Variants in ZNF469 observed in about 807,000 individuals in gnomAD.
ZNF469 encodes zinc finger protein 469.
In ZNF469, 1 loss-of-function variant was observed where a neutral mutation model predicts 1.0. The observed-to-expected ratio is 1.00, with a 90% CI of 0.35 to 4.73. ZNF469 has a LOEUF of 4.73. ZNF469 is among the 30% of genes most tolerant of loss of function. The pLI, the probability that ZNF469 is intolerant of heterozygous loss-of-function variation, is 0.16. For synonymous variants in ZNF469, 2,703 were observed against 2,363.4 expected (o/e 1.14, Z -4.17); for missense variants, 6,100 against 5,356.3 (o/e 1.14, Z -4.33).
chr16:88,438,618 GAATGGGATGAAGCCCGCCACCCCC>G lies in ZNF469; in HGVS notation c.11151_11174del (p.Asn3717_Pro3724del). ...CCGGGGAGCTGGCCCGTGGCACAGA[GAATGGGATGAAGCCCGCCACCCCC>G]AAAGCCAAACCCGGCCCCAGCTCCC... On this transcript the variant is annotated inframe_deletion, in exon 3 of 3. Transcript: ENST00000565624. 6.5e-7 allele frequency: 1 copy of G among 1,550,106 alleles called. No homozygotes were observed. The highest frequency in any genetic ancestry group is 1.2e-5 in the South Asian group (1 of 84,056).
At chr16:88,104,672 G>A in the ZNF469 span, among the ~76,000 whole-genome samples, 1 of 152,352 alleles carries the variant, frequency 6.6e-6, no homozygotes. Flanking sequence ...TCTTGTCTGA[G>A]CCTACAAAGA....
At chr16:88,146,054 C>T in the ZNF469 span, among the ~76,000 whole-genome samples, 1 of 152,256 alleles carries the variant, frequency 6.6e-6, no homozygotes, top group Non-Finnish European at 1.5e-5. Context: ...CACCGCCTCC[C>T]TCCACACGGT....
At chr16:88,308,200 A>G in the ZNF469 span, among the ~76,000 whole-genome samples, 1 of 152,272 alleles carries the variant, frequency 6.6e-6, no homozygotes, top group Non-Finnish European at 1.5e-5. Flanking sequence ...CAATCTGCGT[A>G]TCTGTGTTTA....
the ZNF469 span, among the ~76,000 whole-genome samples, chr16:88,126,752 C>A: frequency 2.0e-5 from 3 of 152,048 alleles, no homozygotes; most frequent in Non-Finnish European, 2.9e-5. Flanking sequence ...CCCCCGGGTT[C>A]AAGCAATTCT....
the ZNF469 span, among the ~76,000 whole-genome samples, chr16:88,184,894 T>G: frequency 5.3e-5 from 8 of 152,164 alleles, no homozygotes; most frequent in Admixed American, 4.6e-4. Context: ...ATAAATGCAA[T>G]CCACATGCAC....
the ZNF469 span, among the ~76,000 whole-genome samples, chr16:88,242,425 G>T: frequency 6.6e-6 from 1 of 152,106 alleles, no homozygotes; most frequent in African/African-American, 2.4e-5. Context: ...CCTTCTCCTT[G>T]TGACCTCACT....
At chr16:88,239,654 ATTT>A in the ZNF469 span, among the ~76,000 whole-genome samples, 9 of 46,432 alleles carry the variant, frequency 1.9e-4, no homozygotes, top group African/African-American at 6.3e-4. Flanking sequence ...CGCCCGGCTT[ATTT>A]TTTTTTTTTG....
At chr16:88,233,027 C>T in the ZNF469 span, among the ~76,000 whole-genome samples, 1 of 152,216 alleles carries the variant, frequency 6.6e-6, no homozygotes, top group Admixed American at 6.5e-5. Flanking sequence ...CCGCCAGATC[C>T]TCAGGCGCTG....
the ZNF469 span, among the ~76,000 whole-genome samples, chr16:88,239,181 C>G: frequency 6.6e-6 from 1 of 152,092 alleles, no homozygotes; most frequent in Non-Finnish European, 1.5e-5. Flanking sequence ...GAAGTCTCTG[C>G]CATCGGCTAT....
chr16:88,188,395 G>T, the ZNF469 span, among the ~76,000 whole-genome samples: 1 of 152,196 alleles, frequency 6.6e-6, no homozygotes, highest in Non-Finnish European at 1.5e-5. Context: ...CATCCTGGGG[G>T]CCTGGACTGC....
chr16:88,408,839 C>A (rs1400468925), intron 1 of ZNF469, among the ~76,000 whole-genome samples: 1 of 152,228 alleles, frequency 6.6e-6, no homozygotes, highest in Non-Finnish European at 1.5e-5. Context: ...AGTGCCTTTT[C>A]CAGCCCCTGG....
chr16:88,387,447 G>A (rs1011931078), intron 1 of ZNF469, among the ~76,000 whole-genome samples: 1 of 152,168 alleles, frequency 6.6e-6, no homozygotes, highest in African/African-American at 2.4e-5. Context: ...GTTCTTCAAA[G>A]CATGCCCCAC....
In ZNF469 at chr16:88,428,540, C is replaced by A; in HGVS notation, c.1070C>A (p.Ser357Tyr). 1 of 1,550,082 alleles carries A rather than the reference C, an allele frequency of 6.5e-7. No homozygotes were observed. Among genetic ancestry groups the A allele is most frequent in the South Asian group, 1.2e-5 (1 of 84,066 alleles). Residue 357 changes from serine to tyrosine, a missense_variant, in exon 3 of 3, where the codon TCC becomes TAC. Physicochemically the swap from Ser to Tyr is moderately radical, Grantham distance 144 (BLOSUM62 -2). Transcript: ENST00000565624. ...AGCGACCTCAGTGGTGCCCTCTCTTCCCCTGGAGCTGCTCACTCGGCCCCG... is the reference window on the plus strand; with the variant it reads ...AGCGACCTCAGTGGTGCCCTCTCTTACCCTGGAGCTGCTCACTCGGCCCCG... ...RHSDLSGALS[S>Y]PGAAHSAPRP...
the ZNF469 span, among the ~76,000 whole-genome samples, chr16:88,258,950 G>T: frequency 6.6e-6 from 1 of 152,186 alleles, no homozygotes; most frequent in Non-Finnish European, 1.5e-5. Flanking sequence ...CCGTGGGGTG[G>T]TAGAGATTTG....
At chr16:88,275,945 G>A in the ZNF469 span, among the ~76,000 whole-genome samples, 1 of 152,142 alleles carries the variant, frequency 6.6e-6, no homozygotes, top group Non-Finnish European at 1.5e-5. Flanking sequence ...GAAAACACGG[G>A]AACAGGCCCA....
chr16:88,189,358 G>C, the ZNF469 span, among the ~76,000 whole-genome samples: 66 of 152,268 alleles, frequency 4.3e-4, no homozygotes, highest in African/African-American at 1.5e-3. This position sits in a 1 kb window ranked among gnomAD's most constrained non-coding sequence, Gnocchi z 4.3. Flanking sequence ...TTCCCAACCG[G>C]GGTCTCTGAT....
chr16:88,282,193 A>C, the ZNF469 span, among the ~76,000 whole-genome samples: 23 of 152,182 alleles, frequency 1.5e-4, no homozygotes, highest in African/African-American at 5.6e-4. Context: ...AAACACCTTC[A>C]GCCAGGCTCA....
At chr16:88,180,321 T>A in the ZNF469 span, among the ~76,000 whole-genome samples, 2 of 149,608 alleles carry the variant, frequency 1.3e-5, no homozygotes, top group African/African-American at 2.5e-5. Flanking sequence ...AAAAAAAAAA[T>A]AACATAAAAA....
the ZNF469 span, among the ~76,000 whole-genome samples, chr16:88,120,765 T>G: frequency 1.3e-5 from 2 of 151,894 alleles, no homozygotes; most frequent in East Asian, 3.9e-4. Context: ...AAAATGGAAC[T>G]CGGAGGACAG....
Sources: allele counts gnomAD v4.1 joint callset (sites outside exome capture counted in the v4.1 genomes callset), GRCh38; gene constraint gnomAD v4.1.1; non-coding constraint Gnocchi (gnomAD v3.1); transcripts MANE v1.5; gene names NCBI Gene and HGNC (gene_info 2026-07-23, HGNC 2026-07-21).